The following DNAH14 variants were observed in gnomAD, a reference collection of about 807,000 sequenced individuals.
DNAH14 encodes axonemal beta dynein heavy chain 14.
In DNAH14, 478 loss-of-function variants were observed where a neutral mutation model predicts 520.9. That is an observed-to-expected ratio of 0.92 (90% CI 0.85 to 0.99). The LOEUF (loss-of-function observed/expected upper bound fraction) is 0.99, where lower values mean the gene tolerates loss of function less well. Among genes scored for constraint, DNAH14 ranks in the 50% least tolerant of loss-of-function variants. The pLI, the probability that DNAH14 is intolerant of heterozygous loss-of-function variation, is 0.00. For missense variants in DNAH14, 4,831 were observed against 5,234.5 expected (o/e 0.92, Z 2.38); for synonymous variants, 1,581 against 1,757.2 (o/e 0.90, Z 2.51).
chr1:225,324,074 C>T, intron 62 of DNAH14, 148 bp from the exon 63 acceptor site: 1 of 927,632 alleles, frequency 1.1e-6, no homozygotes, highest in Non-Finnish European at 1.6e-6. Flanking sequence ...CCTCGACCTC[C>T]CAAAGTGCTG....
At chr1:225,280,614 G>GA (rs140013468) in intron 54 of DNAH14, among the ~76,000 whole-genome samples, 4 of 150,602 alleles carry the variant, frequency 2.7e-5, no homozygotes, top group Non-Finnish European at 4.4e-5. Flanking sequence ...AAAAAAGAAA[G>GA]AAAAAAAGAA....
intron 41 of DNAH14, among the ~76,000 whole-genome samples, chr1:225,221,960 T>C (rs2090083732): frequency 6.6e-6 from 1 of 152,186 alleles, no homozygotes; most frequent in African/African-American, 2.4e-5. Context: ...ATTAAATCTG[T>C]ACTGAAAAAA....
In DNAH14 at chr1:225,232,907, G is replaced by A. The variant is rs1322191792; in HGVS notation, c.6518+1756G>A. ...CTGCACAGATCATGCCATCACCTAG[G>A]TATTAAGCCCAGCATTCATTAGCTA... On this transcript the variant is annotated intron_variant, in intron 42 of 85. Transcript: ENST00000682510. The surrounding 1 kb of genome is among the most constrained non-coding windows in gnomAD (Gnocchi z 4.2). Among the ~76,000 whole-genome samples the A allele has an allele frequency of 2.0e-5, 3 of 152,006 alleles. No homozygotes were observed. The highest frequency in any genetic ancestry group is 2.9e-5 in the Non-Finnish European group (2 of 67,994).
intron 19 of DNAH14, 67 bp downstream of exon 19, chr1:225,080,815 G>A (rs983868335): frequency 3.9e-5 from 56 of 1,431,804 alleles, no homozygotes; most frequent in South Asian, 6.1e-5. Flanking sequence ...GACATCAAGA[G>A]CATTGTCCTT....
At chr1:225,357,208 G>T (rs920910926) in intron 73 of DNAH14, among the ~76,000 whole-genome samples, 65 of 152,052 alleles carry the variant, frequency 4.3e-4, no homozygotes, top group African/African-American at 1.4e-3. Flanking sequence ...AAGGAATATA[G>T]ACATGCAGAA....
intron 76 of DNAH14, among the ~76,000 whole-genome samples, chr1:225,365,253 C>A (rs2095538561): frequency 6.6e-6 from 1 of 152,184 alleles, no homozygotes; most frequent in African/African-American, 2.4e-5. Flanking sequence ...AAGGGTCTGA[C>A]AGAAAGCAGG....
At chr1:225,250,272 A>G (rs924225935) in intron 43 of DNAH14, among the ~76,000 whole-genome samples, 10 of 152,188 alleles carry the variant, frequency 6.6e-5, no homozygotes, top group South Asian at 4.1e-4. Flanking sequence ...CTCATTTATT[A>G]TAGCCATTCC....
chr1:225,094,656 C>CAAAAAA (rs760828776), intron 21 of DNAH14, among the ~76,000 whole-genome samples: 35 of 77,802 alleles, frequency 4.5e-4, no homozygotes, highest in Middle Eastern at 0.01. Context: ...TTCTGCACAG[C>CAAAAAA]AAAAAAAAAA....
chr1:225,168,857 G>A (rs1360911806), intron 36 of DNAH14, among the ~76,000 whole-genome samples: 1 of 152,226 alleles, frequency 6.6e-6, no homozygotes, highest in African/African-American at 2.4e-5. Flanking sequence ...GCCTCCTCAA[G>A]TGGGTCTCTG....
At chr1:225,167,695 G>A (rs369088637) in intron 35 of DNAH14, among the ~76,000 whole-genome samples, 1 of 152,140 alleles carries the variant, frequency 6.6e-6, no homozygotes, top group South Asian at 2.1e-4. Flanking sequence ...TTAATCTAGG[G>A]AAGGATCTAT....
chr1:225,170,994 C>T (rs1208447591), intron 36 of DNAH14, among the ~76,000 whole-genome samples: 4 of 152,154 alleles, frequency 2.6e-5, no homozygotes, highest in African/African-American at 7.2e-5. Flanking sequence ...TACATGGAAA[C>T]GGAACAACCT....
intron 23 of DNAH14, among the ~76,000 whole-genome samples, chr1:225,104,672 T>C (rs2075852495): frequency 6.6e-6 from 1 of 152,228 alleles, no homozygotes. Context: ...TTTATTTGCA[T>C]AGAGGTGTTG....
At chr1:225,335,521 A>ATATACG (rs1491172771) in intron 66 of DNAH14, among the ~76,000 whole-genome samples, 19,213 of 119,722 alleles carry the variant, frequency 0.16, 4,290 homozygotes, top group South Asian at 0.28. Flanking sequence ...ACATATGTAC[A>ATATACG]TATATACATA....
chr1:225,128,855 T>G (rs1017918644), intron 27 of DNAH14, among the ~76,000 whole-genome samples: 2 of 149,610 alleles, frequency 1.3e-5, no homozygotes, highest in South Asian at 2.1e-4. Context: ...AGTATTCAAT[T>G]AGGAAAAGAA....
At chr1:225,391,124 C>T (rs1010387547) in intron 83 of DNAH14, among the ~76,000 whole-genome samples, 5 of 152,164 alleles carry the variant, frequency 3.3e-5, no homozygotes, top group African/African-American at 7.2e-5. Flanking sequence ...AGAATGATGC[C>T]GCTGCAAAGT....
chr1:225,266,853 G>A (rs2149802652), intron 49 of DNAH14, 84 bp downstream of exon 49: 1 of 1,302,434 alleles, frequency 7.7e-7, no homozygotes, highest in Non-Finnish European at 1.0e-6. Flanking sequence ...TGAGTGAATT[G>A]CTTGAGAAAG....
In DNAH14 at chr1:225,224,792, T is replaced by A. The variant is rs2090383672; in HGVS notation, c.6440-6281T>A. Among the ~76,000 whole-genome samples, 5 of 152,226 alleles carry A rather than the reference T, an allele frequency of 3.3e-5. No homozygotes were observed. In the South Asian group the frequency reaches 1.0e-3, roughly 31 times the overall value. On this transcript the variant is annotated intron_variant, in intron 41 of 85. Transcript: ENST00000682510. ...TTACTGGCACTCAGAGAGCCGAGGT[T>A]GGAGCCTTAATATTGGCCCTGGAGG...
intron 54 of DNAH14, among the ~76,000 whole-genome samples, chr1:225,279,309 CT>C (rs1461662307): frequency 6.6e-6 from 1 of 152,082 alleles, no homozygotes; most frequent in African/African-American, 2.4e-5. Context: ...ACCTGGCCCC[CT>C]ATTACTATGT....
chr1:225,143,724 A>G (rs2079658111), intron 28 of DNAH14, among the ~76,000 whole-genome samples: 3 of 152,202 alleles, frequency 2.0e-5, no homozygotes, highest in Admixed American at 6.6e-5. Flanking sequence ...TAATATTTAA[A>G]AAAAAACATA....
Sources: gnomAD v4.1 joint callset for allele counts (sites outside exome capture counted in the v4.1 genomes callset) on GRCh38, gnomAD v4.1.1 for gene constraint, Gnocchi (gnomAD v3.1) non-coding constraint, MANE v1.5 for transcripts, NCBI Gene and HGNC (gene_info 2026-07-23, HGNC 2026-07-21) for gene names.